Variants in YES1 observed in about 807,000 individuals in gnomAD.
The protein encoded by YES1 is tyrosine-protein kinase Yes.
YES1 carries 39 observed loss-of-function variants against 70.4 expected under a neutral mutation model. The observed-to-expected ratio is 0.55, with a 90% CI of 0.43 to 0.72. The LOEUF (loss-of-function observed/expected upper bound fraction) is 0.72, where lower values mean the gene tolerates loss of function less well. Among genes scored for constraint, YES1 ranks in the 30% least tolerant of loss-of-function variants. The pLI is 0.00. For synonymous variants in YES1, 198 were observed against 218.6 expected (o/e 0.91, Z 0.83); for missense variants, 495 against 644.8 (o/e 0.77, Z 2.52).
intron 11 of YES1, among the ~76,000 whole-genome samples, chr18:726,353 A>C (rs771916800): frequency 4.0e-5 from 6 of 151,586 alleles, no homozygotes; most frequent in Non-Finnish European, 8.8e-5. Flanking sequence ...TGAACCTGGG[A>C]GGTGGAGGTT....
In YES1 at chr18:743,017, C is replaced by T. The variant is rs747922199; in HGVS notation, c.961G>A (p.Ala321Thr). ...TGTCTTAATTTTTTCATTATCTGAG[C>T]TTCTTGAAGGAAAGCTTCTGGCATC... ...TMMPEAFLQE[A>T]QIMKKLRHDK... The change falls in exon 8 of 12, where the codon GCT (alanine) becomes ACT (threonine). Residue 321 changes from alanine (A) to threonine (T), a missense_variant. Around this residue, in one of 2 missense-constraint regions of YES1, gnomAD observed 385 missense variants for 540.9 expected, o/e 0.71. Coordinates refer to ENST00000314574, the MANE Select transcript of YES1 (RefSeq NM_005433.4). The T allele has an allele frequency of 6.2e-7, 1 of 1,612,558 alleles. No homozygotes were observed. The highest frequency in any genetic ancestry group is 2.2e-5 in the East Asian group (1 of 44,844).
intron 1 of YES1, among the ~76,000 whole-genome samples, chr18:787,143 C>CTGGAGGAG (rs1467115157): frequency 9.1e-6 from 1 of 110,244 alleles, no homozygotes; most frequent in Non-Finnish European, 1.7e-5. Flanking sequence ...GTGGCCCAGG[C>CTGGAGGAG]TGGAGGAGTG....
At chr18:735,385 T>C (rs58595025) in intron 10 of YES1, among the ~76,000 whole-genome samples, 1,655 of 151,868 alleles carry the variant, frequency 0.011, 35 homozygotes, top group African/African-American at 0.037. Flanking sequence ...CTAAGTGAAG[T>C]AACTCAGGGA....
At chr18:786,530 C>T (rs530861788) in intron 1 of YES1, among the ~76,000 whole-genome samples, 26 of 150,912 alleles carry the variant, frequency 1.7e-4, no homozygotes, top group Non-Finnish European at 2.9e-4. Flanking sequence ...CACACACACA[C>T]ACACACAGAG....
chr18:773,711 T>G (rs1905250881), intron 1 of YES1, among the ~76,000 whole-genome samples: 1 of 152,214 alleles, frequency 6.6e-6, no homozygotes, highest in South Asian at 2.1e-4. Context: ...TTTAGCAAAC[T>G]TTGTTCCAAC....
At chr18:762,467 C>T (rs997410239) in intron 1 of YES1, among the ~76,000 whole-genome samples, 8 of 152,212 alleles carry the variant, frequency 5.3e-5, no homozygotes, top group South Asian at 4.2e-4. Context: ...CAAACCTGCA[C>T]GTGCACCCCT....
At chr18:747,351 C>G (rs1366301799) in intron 4 of YES1, among the ~76,000 whole-genome samples, 3 of 152,110 alleles carry the variant, frequency 2.0e-5, no homozygotes, top group Non-Finnish European at 4.4e-5. Context: ...TGCCTGTAGT[C>G]CCAGCTACTT....
At chr18:798,872 T>C (rs1031363349) in intron 1 of YES1, among the ~76,000 whole-genome samples, 2 of 152,194 alleles carry the variant, frequency 1.3e-5, no homozygotes, top group Non-Finnish European at 2.9e-5. Context: ...CTGCTACTTT[T>C]AATATAAACC....
intron 1 of YES1, among the ~76,000 whole-genome samples, chr18:799,861 G>A (rs1336944856): frequency 6.6e-6 from 1 of 151,920 alleles, no homozygotes; most frequent in African/African-American, 2.4e-5. Context: ...CTCCAGCCTG[G>A]GCTAAAGAAC....
intron 9 of YES1, 54 bp from the exon 10 acceptor site, chr18:737,015 G>C (rs1368518789): frequency 8.3e-6 from 12 of 1,448,244 alleles, no homozygotes; most frequent in Non-Finnish European, 9.3e-6. Flanking sequence ...GGGAAGCAGA[G>C]AGAAGACAAT....
At chr18:761,850 G>A (rs1386958847) in intron 1 of YES1, among the ~76,000 whole-genome samples, 1 of 152,142 alleles carries the variant, frequency 6.6e-6, no homozygotes, top group Non-Finnish European at 1.5e-5. Flanking sequence ...TAAATTTCAG[G>A]TGCAATATGA....
chr18:783,163 C>A (rs1267469539), intron 1 of YES1, among the ~76,000 whole-genome samples: 1 of 152,088 alleles, frequency 6.6e-6, no homozygotes, highest in African/African-American at 2.4e-5. Flanking sequence ...GGCAGAGGAT[C>A]ACTTGAGCCC....
chr18:730,592 C>T (rs1253719108), intron 11 of YES1, among the ~76,000 whole-genome samples: 2 of 152,156 alleles, frequency 1.3e-5, no homozygotes, highest in African/African-American at 4.8e-5. Flanking sequence ...GCACTAGGAT[C>T]TCTGCCTCAT....
intron 1 of YES1, among the ~76,000 whole-genome samples, chr18:788,628 C>T (rs1482424639): frequency 1.3e-5 from 2 of 152,150 alleles, no homozygotes; most frequent in Non-Finnish European, 2.9e-5. Context: ...GCTCTTAAAA[C>T]AGTATTAGGG....
chr18:745,568 T>G (rs2080269384), intron 6 of YES1, 140 bp downstream of exon 6: 1 of 821,546 alleles, frequency 1.2e-6, no homozygotes, highest in Non-Finnish European at 1.9e-6. Context: ...GTTCCTCCCT[T>G]TAGAATACAA....
At chr18:752,210 T>C (rs555082814) in intron 2 of YES1, among the ~76,000 whole-genome samples, 2 of 152,302 alleles carry the variant, frequency 1.3e-5, no homozygotes, top group South Asian at 4.1e-4. Context: ...TAGGTTCAAG[T>C]GATTCTCATG....
chr18:778,056 T>C (rs1905473423), intron 1 of YES1, among the ~76,000 whole-genome samples: 1 of 152,210 alleles, frequency 6.6e-6, no homozygotes, highest in Non-Finnish European at 1.5e-5. Context: ...TCTTTGTTAT[T>C]ATTATTTAAT....
chr18:758,892 C>T lies in YES1; in HGVS notation c.-8-2057G>A, dbSNP rs757184778. On this transcript the variant is annotated intron_variant, in intron 1 of 11. Coordinates refer to ENST00000314574, the MANE Select transcript of YES1 (RefSeq NM_005433.4). ...TCTGCATTATTCTATTCACTGTCTA[C>T]AGAAGCACTAATATAGAATTCATTA... Among the ~76,000 whole-genome samples the T allele has an allele frequency of 1.2e-4, 19 of 152,278 alleles. 1 individual carries two copies. Among genetic ancestry groups the T allele is most frequent in the South Asian group, 1.0e-3 (5 of 4,824 alleles).
At chr18:783,899 C>T (rs111403508) in intron 1 of YES1, among the ~76,000 whole-genome samples, 8,671 of 152,224 alleles carry the variant, frequency 0.057, 345 homozygotes, top group East Asian at 0.13. Flanking sequence ...CAGGTGTGAA[C>T]CACCGCACCT....
Sources: allele counts gnomAD v4.1 joint callset (sites outside exome capture counted in the v4.1 genomes callset), GRCh38; gene constraint gnomAD v4.1.1; regional missense constraint gnomAD v4.1.1; transcripts MANE v1.5; gene names NCBI Gene and HGNC (gene_info 2026-07-23, HGNC 2026-07-21).